Variants in ZNF638 observed in about 807,000 individuals in gnomAD.
ZNF638 encodes the protein zinc finger protein 638, also known as CTCL tumor antigen se33-1.
In ZNF638, 46 loss-of-function variants were observed where a neutral mutation model predicts 195.6. The ratio of observed to expected loss-of-function variants is 0.24; its 90% confidence interval spans 0.19 to 0.30. The LOEUF (loss-of-function observed/expected upper bound fraction) is 0.30, where lower values mean the gene tolerates loss of function less well. Among genes scored for constraint, ZNF638 ranks in the 10% least tolerant of loss-of-function variants. The pLI is 1.00. For missense variants in ZNF638, 2,440 were observed against 2,325.3 expected, an observed-to-expected ratio of 1.05 and a Z score of -1.01; for synonymous variants, 845 against 772.0, an observed-to-expected ratio of 1.09 and a Z score of -1.57.
chr2:71,427,441 C>T (rs758399796), intron 24 of ZNF638, 27 bp downstream of exon 24: 4 of 1,466,066 alleles, frequency 2.7e-6, no homozygotes, highest in Non-Finnish European at 3.6e-6. Flanking sequence ...GGTAGTCTTT[C>T]TGTTTTATGA....
In ZNF638 at chr2:71,333,278, A is replaced by T. The variant is rs1366004254; in HGVS notation, c.-203+1403A>T. On this transcript the variant is annotated intron_variant, in intron 1 of 27. Transcript: ENST00000264447. ...CTAAATAATTACAGGGCGTCCCAGC[A>T]TGTTATACATTAAAATATGCTGGGC... Among the ~76,000 whole-genome samples the T allele has an allele frequency of 2.6e-5, 4 of 152,236 alleles. No homozygotes were observed. In the East Asian group the frequency reaches 7.7e-4, roughly 29 times the overall value.
rs72909588 is a variant in ZNF638, at chr2:71,340,381, G to A, written c.-202-8372G>A. 5.0e-4 allele frequency among the ~76,000 whole-genome samples: 76 copies of A among 152,278 alleles called. 1 individual carries two copies. The highest frequency in any genetic ancestry group is 1.4e-3 in the African/African-American group (60 of 41,558). On this transcript the variant is annotated intron_variant, in intron 1 of 27. Transcript: ENST00000264447. ...CTAATAGTAAAGAAGTTGGCTGAGT[G>A]GCTTTATCTGCGTGGTAGGAGAGAT...
intron 20 of ZNF638, among the ~76,000 whole-genome samples, chr2:71,417,694 C>T (rs1261534387): frequency 6.6e-6 from 1 of 150,966 alleles, no homozygotes; most frequent in African/African-American, 2.4e-5. Context: ...AACTTTTCTC[C>T]TTAATGGAAA....
At chr2:71,430,175 TAAATC>T (rs2080628404) in intron 25 of ZNF638, among the ~76,000 whole-genome samples, 1 of 152,004 alleles carries the variant, frequency 6.6e-6, no homozygotes, top group South Asian at 2.1e-4. Flanking sequence ...ATTGTAAACT[TAAATC>T]ATTTATTTTA....
chr2:71,333,956 CTTCTAATTAAA>C, intron 1 of ZNF638, among the ~76,000 whole-genome samples: 1 of 152,188 alleles, frequency 6.6e-6, no homozygotes, highest in East Asian at 1.9e-4. Flanking sequence ...TGGGTATTCT[CTTCTAATTAAA>C]CGGCTTAAAA....
chr2:71,353,601 G>A (rs1395597913), intron 2 of ZNF638, among the ~76,000 whole-genome samples: 1 of 152,186 alleles, frequency 6.6e-6, no homozygotes, highest in Non-Finnish European at 1.5e-5. Context: ...TGTGAAGCAA[G>A]CCTAAGAATG....
At chr2:71,398,893 A>T (rs753095203) in intron 12 of ZNF638, 121 bp downstream of exon 12, 96 of 893,240 alleles carry the variant, frequency 1.1e-4, no homozygotes, top group Non-Finnish European at 1.5e-4. Flanking sequence ...GATATTTAAA[A>T]CCTGACCCAT....
chr2:71,408,808 C>A, intron 20 of ZNF638: 1 of 375,380 alleles, frequency 2.7e-6, no homozygotes, highest in East Asian at 8.6e-5. Flanking sequence ...TATGTGGTGT[C>A]CTTGTGTTGT....
chr2:71,425,475 T>A (rs547123047), intron 23 of ZNF638, among the ~76,000 whole-genome samples: 7 of 152,298 alleles, frequency 4.6e-5, no homozygotes, highest in Admixed American at 2.6e-4. Flanking sequence ...GTCGTTATTA[T>A]ATATAATAGC....
rs772087476 is a variant in ZNF638, at chr2:71,349,021, T to C, written c.67T>C (p.Ser23Pro). Reference sequence around the variant, plus strand: ...TCAAAGGCCACGAGCACCTAACCCTTCTGGGATGAGGCCTCCAGGACCATT... The same window carrying C: ...TCAAAGGCCACGAGCACCTAACCCTCCTGGGATGAGGCCTCCAGGACCATT... The part of the protein sequence containing the change: ...PLQRPRAPNP[S>P]GMRPPGPFMR... Residue 23 changes from serine to proline, a missense_variant, in exon 2 of 28, where the codon TCT (serine) becomes CCT (proline). Around this residue, in one of 5 missense-constraint regions of ZNF638, gnomAD observed 191 missense variants for 173.8 expected, o/e 1.10. Transcript: ENST00000264447. 4 of 1,614,074 alleles carry C rather than the reference T, an allele frequency of 2.5e-6. No homozygotes were observed. The highest frequency in any genetic ancestry group is 3.4e-6 in the Non-Finnish European group (4 of 1,180,030).
chr2:71,332,943 A>G (rs896332558), intron 1 of ZNF638: 1 of 152,178 alleles, frequency 6.6e-6, no homozygotes, highest in Non-Finnish European at 1.5e-5. Context: ...CGAGCTCTGG[A>G]ATTTTGCACA....
At chr2:71,343,123 C>T (rs2078790264) in intron 1 of ZNF638, among the ~76,000 whole-genome samples, 1 of 152,182 alleles carries the variant, frequency 6.6e-6, no homozygotes, top group Admixed American at 6.5e-5. Context: ...GCATTTCTGT[C>T]TTCCAGAAAT....
At chr2:71,332,457 G>A (rs1293607128) in intron 1 of ZNF638, among the ~76,000 whole-genome samples, 2 of 152,202 alleles carry the variant, frequency 1.3e-5, no homozygotes, top group Non-Finnish European at 2.9e-5. Context: ...AGGATCCAGC[G>A]GCTTTTCCGG....
chr2:71,355,921 T>G, intron 3 of ZNF638, 141 bp downstream of exon 3: 1 of 460,848 alleles, frequency 2.2e-6, no homozygotes. Context: ...AATATTAGTT[T>G]TCTGGAAGTA....
In ZNF638 at chr2:71,431,359, C is replaced by A. The variant is rs2080655516; in HGVS notation, c.5683C>A (p.Pro1895Thr). Residue 1895 changes from proline to threonine, a missense_variant, in exon 26 of 28, where the codon CCA becomes ACA. By Grantham distance (38) the Pro-to-Thr change is conservative (BLOSUM62 -1). Around this residue, in one of 5 missense-constraint regions of ZNF638, gnomAD observed 1,883 missense variants for 1,739.1 expected, o/e 1.08. Coordinates refer to ENST00000264447, the MANE Select transcript of ZNF638 (RefSeq NM_014497.5). ...GGAATCTGGATTAAAGGATTCAGAA[C>A]CAGAGCGAAAACGCAAGAAGACTGA... is the stretch of plus-strand genomic sequence containing the variant. ...DEESGLKDSE[P>T]ERKRKKTEDS... 1 of 1,613,886 alleles carries A rather than the reference C, an allele frequency of 6.2e-7. No individual in the cohort carries two copies. The highest frequency in any genetic ancestry group is 8.5e-7 in the Non-Finnish European group (1 of 1,179,834).
At chr2:71,341,504 C>G (rs1388403871) in intron 1 of ZNF638, among the ~76,000 whole-genome samples, 1 of 151,904 alleles carries the variant, frequency 6.6e-6, no homozygotes, top group Admixed American at 6.6e-5. Context: ...GTAGATGAAA[C>G]TATACCAGAG....
chr2:71,332,050 G>A (rs569866840), intron 1 of ZNF638, among the ~76,000 whole-genome samples, 175 bp downstream of exon 1: 1 of 152,348 alleles, frequency 6.6e-6, no homozygotes, highest in Non-Finnish European at 1.5e-5. Flanking sequence ...GGACCCCCGG[G>A]ATGGGAAGGG....
At chr2:71,366,134 G>A (rs190358053) in intron 6 of ZNF638, among the ~76,000 whole-genome samples, 4 of 152,086 alleles carry the variant, frequency 2.6e-5, no homozygotes, top group African/African-American at 4.8e-5. Flanking sequence ...TGGATCGCTC[G>A]AGCTTAAGAA....
intron 20 of ZNF638, chr2:71,408,792 A>G: frequency 2.4e-6 from 1 of 416,040 alleles, no homozygotes; most frequent in South Asian, 1.9e-5. Context: ...AAGTAATAGG[A>G]CCTTATATGT....
Sources: allele counts gnomAD v4.1 joint callset (sites outside exome capture counted in the v4.1 genomes callset), GRCh38; gene constraint gnomAD v4.1.1; regional missense constraint gnomAD v4.1.1; transcripts MANE v1.5; gene names NCBI Gene and HGNC (gene_info 2026-07-23, HGNC 2026-07-21).